DPF3: variants seen among roughly 807,000 people sequenced by gnomAD.
DPF3 encodes the protein double PHD fingers 3.
Under a neutral mutation model 56.8 loss-of-function variants are expected in DPF3, and 18 were observed. The observed-to-expected ratio is 0.32, with a 90% CI of 0.22 to 0.47. The LOEUF is 0.47. DPF3 is among the 20% of genes least tolerant of loss of function. The pLI, the probability that DPF3 is intolerant of heterozygous loss-of-function variation, is 1.00. For synonymous variants in DPF3, 188 were observed against 180.2 expected, an observed-to-expected ratio of 1.04 and a Z score of -0.35; for missense variants, 403 against 488.8, an observed-to-expected ratio of 0.82 and a Z score of 1.65.
intron 2 of DPF3, among the ~76,000 whole-genome samples, chr14:72,767,971 TAAC>T (rs943452532): frequency 3.3e-5 from 5 of 152,176 alleles, no homozygotes; most frequent in African/African-American, 9.6e-5. Context: ...TTCTCATCAC[TAAC>T]CATCAGAAAG....
chr14:72,722,986 C>CTG (rs1275571257), intron 5 of DPF3, among the ~76,000 whole-genome samples: 3 of 152,066 alleles, frequency 2.0e-5, no homozygotes, highest in Non-Finnish European at 4.4e-5. Context: ...CTGCAGCCCC[C>CTG]TGCTACCCCG....
At chr14:72,742,222 T>C (rs946743895) in intron 3 of DPF3, among the ~76,000 whole-genome samples, 1 of 152,162 alleles carries the variant, frequency 6.6e-6, no homozygotes, top group Non-Finnish European at 1.5e-5. Flanking sequence ...CTGCAGGCTC[T>C]GACACTGCAG....
At chr14:72,773,977 A>C (rs1223303537) in intron 1 of DPF3, 1 of 454,858 alleles carries the variant, frequency 2.2e-6, no homozygotes, top group Non-Finnish European at 4.4e-6. Context: ...TGAGTATACA[A>C]ATATCTTTTC....
chr14:72,642,159 G>T (rs1045546267), intron 8 of DPF3, among the ~76,000 whole-genome samples: 1 of 152,352 alleles, frequency 6.6e-6, no homozygotes, highest in Admixed American at 6.5e-5. Context: ...CATCTGGACT[G>T]CAGCCTCATG....
intron 5 of DPF3, among the ~76,000 whole-genome samples, chr14:72,721,860 C>A (rs1324246003): frequency 6.6e-6 from 1 of 152,168 alleles, no homozygotes; most frequent in Admixed American, 6.5e-5. Flanking sequence ...CCTCCCACCA[C>A]TTCTAGAATG....
At chr14:72,718,133 G>A (rs1453454574) in intron 5 of DPF3, among the ~76,000 whole-genome samples, 3 of 151,420 alleles carry the variant, frequency 2.0e-5, no homozygotes, top group African/African-American at 7.3e-5. Flanking sequence ...ATGAAGGAGG[G>A]AGAAGTAGAG....
At position 72,679,686 on chromosome 14, in the gene DPF3, G is replaced by A. The variant is rs118103126; in HGVS notation, c.743-5318C>T. Among the ~76,000 whole-genome samples the A allele has an allele frequency of 7.7e-3, 1,166 of 152,374 alleles. 6 individuals carry two copies. Among genetic ancestry groups the A allele is most frequent in the Middle Eastern group, 0.014 (4 of 294 alleles). ...CATGGCAACCGGAATCCTGGGCTCC[G>A]GCAGCCTCCGCTCTTGCCACCTGTT... is the stretch of plus-strand genomic sequence containing the variant. On this transcript the variant is annotated intron_variant, in intron 7 of 10. Coordinates refer to ENST00000556509, the MANE Select transcript of DPF3 (RefSeq NM_001280542.3).
intron 1 of DPF3, among the ~76,000 whole-genome samples, chr14:72,871,275 A>G (rs1885890747): frequency 6.6e-6 from 1 of 152,168 alleles, no homozygotes; most frequent in Non-Finnish European, 1.5e-5. Context: ...TCCAAATATC[A>G]TGTCCTCACA....
At chr14:72,671,945 G>C (rs537690634) in intron 8 of DPF3, among the ~76,000 whole-genome samples, 1 of 151,998 alleles carries the variant, frequency 6.6e-6, no homozygotes, top group Non-Finnish European at 1.5e-5. Flanking sequence ...CTGATAAGTG[G>C]TAGGTGATAA....
At chr14:72,704,752 T>C (rs760217285) in intron 6 of DPF3, among the ~76,000 whole-genome samples, 14 of 152,298 alleles carry the variant, frequency 9.2e-5, no homozygotes, top group Non-Finnish European at 1.9e-4. Context: ...AAGTGCAAGA[T>C]GTCAAGAGTC....
At chr14:72,772,774 A>T (rs1891586967) in intron 1 of DPF3, among the ~76,000 whole-genome samples, 1 of 152,256 alleles carries the variant, frequency 6.6e-6, no homozygotes, top group Admixed American at 6.5e-5. Flanking sequence ...AATCAATGAG[A>T]TCAAATACCT....
intron 8 of DPF3, among the ~76,000 whole-genome samples, chr14:72,656,904 T>C (rs1011694588): frequency 1.8e-4 from 28 of 152,198 alleles, no homozygotes; most frequent in Non-Finnish European, 2.5e-4. Context: ...TACTACCACC[T>C]ATCATGACTA....
At chr14:72,657,531 G>A (rs977786931) in intron 8 of DPF3, among the ~76,000 whole-genome samples, 1 of 152,138 alleles carries the variant, frequency 6.6e-6, no homozygotes, top group African/African-American at 2.4e-5. Flanking sequence ...CCATGAAATA[G>A]TTTACAGTAC....
Position 72,619,184 on chromosome 14 carries a change from T to G in DPF3, c.*113A>C, listed in dbSNP as rs963783435. ...GTGTCCCTGCCCCTCTGGGACTATTTCTTTTCCTTGCAGTTGGTCTGGCTG... is the reference window on the plus strand; with the variant it reads ...GTGTCCCTGCCCCTCTGGGACTATTGCTTTTCCTTGCAGTTGGTCTGGCTG... On this transcript the variant is annotated 3_prime_UTR_variant, in exon 11 of 11. Transcript: ENST00000556509. The G allele has an allele frequency of 9.2e-7, 1 of 1,084,630 alleles. No individual in the cohort carries two copies. Among genetic ancestry groups the G allele is most frequent in the Admixed American group, 2.4e-5 (1 of 41,378 alleles). The allele number at this position is 1,084,630 out of a possible 1,614,324, so 67.2% of individuals were successfully genotyped here. A position where few individuals can be genotyped will look rare whatever the true frequency, so the allele number is the denominator to read the frequency against.
chr14:72,823,613 C>G (rs1345012897), intron 1 of DPF3, among the ~76,000 whole-genome samples: 1 of 152,166 alleles, frequency 6.6e-6, no homozygotes, highest in Non-Finnish European at 1.5e-5. Flanking sequence ...GACATTTCTG[C>G]ACTCGATCCT....
intron 1 of DPF3, among the ~76,000 whole-genome samples, chr14:72,889,988 A>T (rs1255863317): frequency 1.3e-5 from 2 of 152,152 alleles, no homozygotes; most frequent in African/African-American, 2.4e-5. Flanking sequence ...ATGGAATTTA[A>T]TAATAATAAT....
At chr14:72,714,901 CT>C (rs779892457) in intron 5 of DPF3, among the ~76,000 whole-genome samples, 3 of 152,206 alleles carry the variant, frequency 2.0e-5, no homozygotes, top group Non-Finnish European at 2.9e-5. Flanking sequence ...GCTCCTTAGC[CT>C]CCTAGCTTCA....
chr14:72,753,119 C>T (rs1890647865), intron 3 of DPF3, 145 bp downstream of exon 3: 1 of 654,600 alleles, frequency 1.5e-6, no homozygotes, highest in Non-Finnish European at 2.6e-6. Flanking sequence ...CACAGAGGTG[C>T]ACCCTTAAGC....
chr14:72,786,832 A>G (rs1450320724), intron 1 of DPF3, among the ~76,000 whole-genome samples: 1 of 152,232 alleles, frequency 6.6e-6, no homozygotes, highest in African/African-American at 2.4e-5. Context: ...TACAGCAAGC[A>G]AAACTCATAG....
Sources: gnomAD v4.1 joint callset for allele counts (sites outside exome capture counted in the v4.1 genomes callset) on GRCh38, gnomAD v4.1.1 for gene constraint, MANE v1.5 for transcripts, NCBI Gene and HGNC (gene_info 2026-07-23, HGNC 2026-07-21) for gene names.